PHF12: variants seen among roughly 807,000 people sequenced by gnomAD.
The protein encoded by PHF12 is PHD factor 1.
Under a neutral mutation model 99.8 loss-of-function variants are expected in PHF12, and 6 were observed. The observed-to-expected ratio is 0.06, with a 90% CI of 0.03 to 0.12. The LOEUF is 0.12. Ranked by LOEUF, PHF12 falls within the 10% of genes least tolerant of loss-of-function variation. PHF12 has a pLI of 1.00. For missense variants in PHF12, 954 were observed against 1,300.1 expected (o/e 0.73, Z 4.09); for synonymous variants, 480 against 514.9 (o/e 0.93, Z 0.92).
rs767343036 is a variant in PHF12 at position 28,924,056 on chromosome 17, C to G, written c.568G>C (p.Val190Leu). 6.2e-7 allele frequency: 1 copy of G among 1,614,186 alleles called. No homozygotes were observed. ...TCCGCTGCTACTGGTTCCTCATCCA[C>G]GTCAATGATGTCTTCGTCGACATCA... ...QNDVDEDIID[V>L]DEEPVAAEPD... is the part of the protein sequence containing the mutation. The change falls in exon 4 of 15, where the codon GTG (valine) becomes CTG (leucine). Residue 190 changes from valine to leucine, a missense_variant. Around this residue, in one of 8 missense-constraint regions of PHF12, gnomAD observed 109 missense variants for 145.4 expected, o/e 0.75. Coordinates refer to ENST00000332830, the MANE Select transcript of PHF12 (RefSeq NM_001033561.2).
intron 5 of PHF12, among the ~76,000 whole-genome samples, chr17:28,919,640 T>A (rs1485011600): frequency 2.0e-5 from 3 of 152,164 alleles, no homozygotes; most frequent in Non-Finnish European, 4.4e-5. Context: ...CTCGGGAGGC[T>A]GAGGCAGGAG....
In PHF12 at chr17:28,949,186, G is replaced by T. The variant is rs1039594579; in HGVS notation, c.248+879C>A. ...ACCGCACACAATCCTCCCTCTGGCA[G>T]CAAAGAATTTTGCAGCGAAGGGCTC... On this transcript the variant is annotated intron_variant, in intron 2 of 14. Coordinates refer to ENST00000332830, the MANE Select transcript of PHF12 (RefSeq NM_001033561.2). The surrounding 1 kb of genome is among the most constrained non-coding windows in gnomAD (Gnocchi z 4.6). 1.3e-5 allele frequency among the ~76,000 whole-genome samples: 2 copies of T among 152,218 alleles called. No individual in the cohort carries two copies. The highest frequency in any genetic ancestry group is 6.5e-5 in the Admixed American group (1 of 15,288).
At position 28,906,802 on chromosome 17, in the gene PHF12, A is replaced by T; in HGVS notation, c.2680+54T>A. On this transcript the variant is annotated intron_variant, in intron 14 of 14. Transcript: ENST00000332830. The surrounding 1 kb of genome is among the most constrained non-coding windows in gnomAD (Gnocchi z 4.2). ...GACAGACCATGGGCAGCAAGTCAGA[A>T]CCACCCTGACTGGGGCCTCAGCTTT... 6.5e-7 allele frequency: 1 copy of T among 1,548,848 alleles called. No individual in the cohort carries two copies. Among genetic ancestry groups the T allele is most frequent in the Non-Finnish European group, 8.7e-7 (1 of 1,144,278 alleles).
chr17:28,920,073 A>G lies in PHF12; in HGVS notation c.837-798T>C, dbSNP rs1036898443. Reference sequence around the variant, plus strand: ...AGCACTCAGCAGAACTGACAATTAGAGGTGTGCTGGAAAGATGATTTTGTA... The same window carrying G: ...AGCACTCAGCAGAACTGACAATTAGGGGTGTGCTGGAAAGATGATTTTGTA... On this transcript the variant is annotated intron_variant, in intron 5 of 14. Coordinates refer to ENST00000332830, the MANE Select transcript of PHF12 (RefSeq NM_001033561.2). Among the ~76,000 whole-genome samples, 3 of 152,192 alleles carry G rather than the reference A, an allele frequency of 2.0e-5. No homozygotes were observed. In the South Asian group the frequency reaches 6.2e-4, roughly 31 times the overall value.
intron 2 of PHF12, among the ~76,000 whole-genome samples, chr17:28,934,348 T>C (rs1598152044): frequency 6.6e-6 from 1 of 152,344 alleles, no homozygotes; most frequent in South Asian, 2.1e-4. Flanking sequence ...CATGCGATTT[T>C]TTCCTACTCT....
chr17:28,938,874 C>A (rs901142799), intron 2 of PHF12, among the ~76,000 whole-genome samples: 3 of 152,184 alleles, frequency 2.0e-5, no homozygotes, highest in African/African-American at 7.2e-5. Context: ...GTTGAACATA[C>A]TTCTCCAGAG....
In PHF12 at chr17:28,906,915, G is replaced by A. The variant is rs755671414; in HGVS notation, c.2621C>T (p.Ser874Leu). 8 of 1,613,400 alleles carry A rather than the reference G, an allele frequency of 5.0e-6. No homozygotes were observed. Among genetic ancestry groups the A allele is most frequent in the South Asian group, 1.1e-5 (1 of 91,020 alleles). ...TGGGGGGGTTGGCGGGGTCTTCTCC[G>A]AGAAGTCACATGAATACAGCACATT... ...VDNVLYSCDFSEKTPPTPPSS... is the reference protein window; with the variant it reads ...VDNVLYSCDFLEKTPPTPPSS... Residue 874 changes from serine to leucine, a missense_variant, in exon 14 of 15, where the codon TCG becomes TTG. Physicochemically the swap from Ser to Leu is moderately radical, Grantham distance 145. Coordinates refer to ENST00000332830, the MANE Select transcript of PHF12 (RefSeq NM_001033561.2). This position sits in a 1 kb window ranked among gnomAD's most constrained non-coding sequence, Gnocchi z 4.2.
chr17:28,943,522 C>T (rs1285088118), intron 2 of PHF12, among the ~76,000 whole-genome samples: 12 of 151,944 alleles, frequency 7.9e-5, no homozygotes, highest in Admixed American at 7.2e-4. Flanking sequence ...CCCAGCTACC[C>T]GGGAGGCTGA....
intron 2 of PHF12, among the ~76,000 whole-genome samples, chr17:28,935,268 ATTTAT>A (rs1413821227): frequency 1.3e-5 from 2 of 150,910 alleles, no homozygotes; most frequent in South Asian, 2.1e-4. Flanking sequence ...ATTTTATTTT[ATTTAT>A]TTTATTTTTT....
At chr17:28,910,920 G>A in intron 10 of PHF12, 192 bp downstream of exon 10, 1 of 696,808 alleles carries the variant, frequency 1.4e-6, no homozygotes, top group Non-Finnish European at 2.3e-6. Flanking sequence ...ACATGTAGAA[G>A]GCAGAGCTAC....
At chr17:28,909,431 A>C (rs1195622061) in intron 11 of PHF12, 1 of 154,574 alleles carries the variant, frequency 6.5e-6, no homozygotes, top group Non-Finnish European at 1.4e-5. Flanking sequence ...CACACTTTGA[A>C]GCAGCAAGGC....
At position 28,950,286 on chromosome 17, in the gene PHF12, C is replaced by G. The variant is rs1435931259; in HGVS notation, c.67-40G>C. The stretch of plus-strand genomic sequence containing the variant: ...AAACGGCGTGTGTGCACACTCGGAG[C>G]TCCCGGGCGGTCCGTCGCCCCCCCG... On this transcript the variant is annotated intron_variant, in intron 1 of 14. Transcript: ENST00000332830. This position sits in a 1 kb window ranked among gnomAD's most constrained non-coding sequence, Gnocchi z 5.7. The G allele has an allele frequency of 1.3e-6, 2 of 1,558,860 alleles. No individual in the cohort carries two copies. Among genetic ancestry groups the G allele is most frequent in the Non-Finnish European group, 1.7e-6 (2 of 1,155,262 alleles).
chr17:28,908,048 T>A, intron 12 of PHF12: 1 of 182,138 alleles, frequency 5.5e-6, no homozygotes, highest in Non-Finnish European at 1.2e-5. Flanking sequence ...TGTCTGTCCT[T>A]CTGTACCAGA....
chr17:28,913,388 C>G, intron 8 of PHF12, 111 bp from the exon 9 acceptor site: 1 of 1,480,656 alleles, frequency 6.8e-7, no homozygotes, highest in East Asian at 2.3e-5. Context: ...GAGGTCCCAT[C>G]ATGAATGCTC....
intron 2 of PHF12, among the ~76,000 whole-genome samples, chr17:28,942,588 C>T (rs2040638562): frequency 6.6e-6 from 1 of 151,936 alleles, no homozygotes; most frequent in South Asian, 2.1e-4. Flanking sequence ...GAGGCCGAGG[C>T]GGGCAGATCA....
In PHF12 at chr17:28,951,141, C is replaced by T; in HGVS notation, c.-181G>A. On this transcript the variant is annotated 5_prime_UTR_variant, in exon 1 of 15. Transcript: ENST00000332830. ...CCCCAGTCCCCGGGACGACAGCGTC[C>T]TCCCGACGGGCCGCGAGGGGGGAGC... 1.4e-6 allele frequency: 2 copies of T among 1,432,414 alleles called. No individual in the cohort carries two copies. The highest frequency in any genetic ancestry group is 1.8e-6 in the Non-Finnish European group (2 of 1,097,018). The allele number at this position is 1,432,414 out of a possible 1,614,324, so 88.7% of individuals were successfully genotyped here.
At position 28,948,991 on chromosome 17, in the gene PHF12, T is replaced by G. The variant is rs370524127; in HGVS notation, c.248+1074A>C. ...CCGGCAGAAGATGGAGTTTAAACTCTTCTTTGCCGGATTGTCCTGGGCTGA... is the reference window on the plus strand; with the variant it reads ...CCGGCAGAAGATGGAGTTTAAACTCGTCTTTGCCGGATTGTCCTGGGCTGA... On this transcript the variant is annotated intron_variant, in intron 2 of 14. Transcript: ENST00000332830. Among the ~76,000 whole-genome samples, 20 of 152,236 alleles carry G rather than the reference T, an allele frequency of 1.3e-4. 1 individual carries two copies. The highest frequency in any genetic ancestry group is 3.1e-4 in the African/African-American group (13 of 41,528).
At chr17:28,929,228 T>TAA (rs879819870) in intron 2 of PHF12, among the ~76,000 whole-genome samples, 7 of 138,694 alleles carry the variant, frequency 5.0e-5, no homozygotes, top group African/African-American at 1.6e-4. Context: ...GGGGAAATGG[T>TAA]AAAAAAAAAA....
At chr17:28,924,422 C>A in intron 3 of PHF12, 120 bp from the exon 4 acceptor site, 1 of 1,348,184 alleles carries the variant, frequency 7.4e-7, no homozygotes. Context: ...ATCACAGACT[C>A]ATCTACCTGG....
Sources: allele counts gnomAD v4.1 joint callset (sites outside exome capture counted in the v4.1 genomes callset), GRCh38; gene constraint gnomAD v4.1.1; regional missense constraint gnomAD v4.1.1; non-coding constraint Gnocchi (gnomAD v3.1); transcripts MANE v1.5; gene names NCBI Gene and HGNC (gene_info 2026-07-23, HGNC 2026-07-21).